Variants in SAGE1 observed in about 807,000 individuals in gnomAD.
The protein encoded by SAGE1 is sarcoma antigen 1, also known as cancer/testis antigen 14.
SAGE1 carries 55 observed loss-of-function variants against 55.4 expected under a neutral mutation model. That is an observed-to-expected ratio of 0.99 (90% CI 0.80 to 1.24). SAGE1 has a LOEUF of 1.24. Ranked by LOEUF, SAGE1 falls within the 50% of genes most tolerant of loss-of-function variation. The pLI is 0.00. For synonymous variants in SAGE1, 240 were observed against 244.3 expected, an observed-to-expected ratio of 0.98 and a Z score of 0.17; for missense variants, 710 against 704.4, an observed-to-expected ratio of 1.01 and a Z score of -0.09.
rs1556602890 is a variant in SAGE1, at chrX:135,907,793, G to T, written c.1111G>T (p.Ala371Ser). Residue 371 changes from alanine (A) to serine (S), a missense_variant, in exon 10 of 20, where the codon GCT (alanine) becomes TCT (serine). By Grantham distance (99) the Ala-to-Ser change is moderately conservative. Transcript: ENST00000370709. ...CTTGTCAACTGTTCTACCAGGGCTT[G>T]CTTATTTGGCAACAGCTGATATGCC... ...NALSTVLPGL[A>S]YLATADMPAM... is the part of the protein sequence containing the mutation. The T allele has an allele frequency of 8.3e-7, 1 of 1,210,215 alleles. No homozygotes were observed. The highest frequency in any genetic ancestry group is 2.3e-4 in the Middle Eastern group (1 of 4,347).
intron 2 of SAGE1, among the ~76,000 whole-genome samples, chrX:135,900,979 T>C (rs1489146406): frequency 9.2e-6 from 1 of 109,055 alleles, no homozygotes; most frequent in African/African-American, 3.3e-5. Context: ...ACCCCATCTC[T>C]ACTAAAAATA....
chrX:135,897,481 G>A (rs1206267335), intron 2 of SAGE1, among the ~76,000 whole-genome samples: 6 of 111,822 alleles, frequency 5.4e-5, no homozygotes, highest in Admixed American at 3.8e-4. Context: ...GTTAATACAT[G>A]TAAAGCATTG....
rs782484790 is a variant in SAGE1, at chrX:135,910,546, A to G, written c.1996A>G (p.Arg666Gly). Reference sequence around the variant, plus strand: ...AGCTGGAATTTCATCCACGATTACCAGGGATCTGTGTATGTCTGCTTATTA... The same window carrying G: ...AGCTGGAATTTCATCCACGATTACCGGGGATCTGTGTATGTCTGCTTATTA... ...AAAGISSTIT[R>G]DLYVTATHSV... The change falls in exon 16 of 20, where the codon AGG (arginine) becomes GGG (glycine). Residue 666 changes from arginine (R) to glycine (G), a missense_variant. By Grantham distance (125) the Arg-to-Gly change is moderately radical. Transcript: ENST00000370709. The G allele has an allele frequency of 8.3e-7, 1 of 1,210,706 alleles. No homozygotes were observed. The highest frequency in any genetic ancestry group is 1.8e-5 in the South Asian group (1 of 56,932).
chrX:135,908,932 A>G lies in SAGE1; in HGVS notation c.1510A>G (p.Ile504Val), dbSNP rs1556604263. The change falls in exon 13 of 20, where the codon ATA becomes GTA. Residue 504 changes from isoleucine (I) to valine (V), a missense_variant. Physicochemically the swap from Ile to Val is conservative, Grantham distance 29. Coordinates refer to ENST00000370709, the MANE Select transcript of SAGE1 (RefSeq NM_001381902.1). ...TGGCAAACCCCAAACTGATAAGGTC[A>G]TATCAAATGATGCACCACAGCTTGG... Reference protein sequence around the residue: ...ESGKPQTDKVISNDAPQLGHM... With the variant: ...ESGKPQTDKVVSNDAPQLGHM... 2 of 1,207,809 alleles carry G rather than the reference A, an allele frequency of 1.7e-6. No individual in the cohort carries two copies. Among genetic ancestry groups the G allele is most frequent in the East Asian group, 5.9e-5 (2 of 33,790 alleles).
In SAGE1 at chrX:135,909,774, A is replaced by G. The variant is rs1556605068; in HGVS notation, c.1718A>G (p.Asp573Gly). 1.7e-6 allele frequency: 2 copies of G among 1,199,510 alleles called. No homozygotes were observed. Among genetic ancestry groups the G allele is most frequent in the Non-Finnish European group, 2.2e-6 (2 of 889,103 alleles). The change falls in exon 14 of 20, where the codon GAT becomes GGT. Residue 573 changes from aspartate to glycine, a missense_variant. Asp to Gly is a moderately conservative substitution (Grantham distance 94). Transcript: ENST00000370709. The stretch of plus-strand genomic sequence containing the variant: ...GGTATTCCGGCCATGAGTACCAGGG[A>G]TCAGTGTATGTTTGCTTATTCAGTT... ...VAGIPAMSTR[D>G]QYATVTHNVH... is the part of the protein sequence containing the mutation.
rs782313164 is a variant in SAGE1 at position 135,908,599 on chromosome X, A to G, written c.1423A>G (p.Met475Val). Residue 475 changes from methionine to valine, a missense_variant, in exon 12 of 20, where the codon ATG becomes GTG. Transcript: ENST00000370709. ...TATGGCAGGAGCTAGTATTCCAGCA[A>G]TGAGTTCCAGGGATCTGTGTATGTG... ...INMAGASIPAMSSRDLYATIT... is the reference protein window; with the variant it reads ...INMAGASIPAVSSRDLYATIT... The G allele has an allele frequency of 5.0e-6, 6 of 1,200,237 alleles. No homozygotes were observed. Among genetic ancestry groups the G allele is most frequent in the South Asian group, 3.7e-5 (2 of 54,522 alleles).
At chrX:135,910,256 T>C in intron 15 of SAGE1, 86 bp downstream of exon 15, 2 of 1,073,570 alleles carry the variant, frequency 1.9e-6, no homozygotes, top group Middle Eastern at 2.6e-4. Context: ...TTTTGTTGTA[T>C]TACCTTTTCA....
At chrX:135,903,988 C>A (rs12010242) in intron 3 of SAGE1, among the ~76,000 whole-genome samples, 24,008 of 111,198 alleles carry the variant, frequency 0.22, 2,025 homozygotes, top group Non-Finnish European at 0.26. Flanking sequence ...ATAAATAATT[C>A]TTTAGAACCT....
intron 3 of SAGE1, among the ~76,000 whole-genome samples, chrX:135,902,841 C>T (rs2088701873): frequency 8.9e-6 from 1 of 112,084 alleles, no homozygotes; most frequent in Non-Finnish European, 1.9e-5. Context: ...CTCTCTATGC[C>T]TCCAGTGCAT....
chrX:135,909,894 T>C, intron 14 of SAGE1, 115 bp downstream of exon 14: 1 of 976,451 alleles, frequency 1.0e-6, no homozygotes, highest in Non-Finnish European at 1.4e-6. Context: ...AATTTGAGTG[T>C]TCTCAGATCG....
At chrX:135,898,815 C>A (rs1423019857) in intron 2 of SAGE1, among the ~76,000 whole-genome samples, 3 of 111,664 alleles carry the variant, frequency 2.7e-5, no homozygotes, top group East Asian at 5.6e-4. Context: ...CTGTTCATGT[C>A]CTTTGCCCAC....
chrX:135,907,284 A>G, intron 8 of SAGE1, 29 bp from the exon 9 acceptor site: 1 of 1,192,916 alleles, frequency 8.4e-7, no homozygotes, highest in African/African-American at 1.7e-5. Flanking sequence ...GCACTTACTC[A>G]CAGCTCAACC....
intron 2 of SAGE1, among the ~76,000 whole-genome samples, chrX:135,896,765 G>A (rs2088593301): frequency 9.1e-6 from 1 of 109,804 alleles, no homozygotes; most frequent in Non-Finnish European, 1.9e-5. Flanking sequence ...TCTCCATTTT[G>A]GACAGGCTGC....
rs373860035 is a variant in SAGE1 at position 135,896,158 on chromosome X, C to T, written c.1-85C>T. Reference sequence around the variant, plus strand: ...AGGATCATATATTTCAGCTGTATAGCGCCAATTTATGTGCCAGTTACGTTC... The same window carrying T: ...AGGATCATATATTTCAGCTGTATAGTGCCAATTTATGTGCCAGTTACGTTC... On this transcript the variant is annotated intron_variant, in intron 1 of 19. Coordinates refer to ENST00000370709, the MANE Select transcript of SAGE1 (RefSeq NM_001381902.1). 3.8e-3 allele frequency: 2,484 copies of T among 652,259 alleles called. 35 individuals are homozygous for T. In the South Asian group the frequency reaches 0.056, roughly 15 times the overall value. The allele number at this position is 652,259 out of a possible 1,213,427, so 53.8% of individuals were successfully genotyped here.
intron 4 of SAGE1, among the ~76,000 whole-genome samples, chrX:135,904,946 A>G (rs1436383164): frequency 1.8e-5 from 2 of 111,629 alleles, no homozygotes; most frequent in Non-Finnish European, 3.8e-5. Context: ...CAAATGTTCT[A>G]TCAGGGCTTA....
intron 16 of SAGE1, 130 bp from the exon 17 acceptor site, chrX:135,911,062 C>T: frequency 1.4e-6 from 1 of 707,329 alleles, no homozygotes; most frequent in East Asian, 3.4e-5. Context: ...TTCAGGGTCT[C>T]TGATTGCCAC....
intron 1 of SAGE1, among the ~76,000 whole-genome samples, chrX:135,894,095 T>C (rs1349593418): frequency 8.9e-6 from 1 of 112,075 alleles, no homozygotes. Flanking sequence ...AGTTTCACTC[T>C]TGTTGTTCGC....
At chrX:135,894,359 A>G (rs1556592058) in intron 1 of SAGE1, among the ~76,000 whole-genome samples, 2 of 113,210 alleles carry the variant, frequency 1.8e-5, no homozygotes, top group East Asian at 5.5e-4. Flanking sequence ...GGCGTGAGCC[A>G]CTGCACCCAG....
At chrX:135,905,530 C>A in intron 5 of SAGE1, 138 bp downstream of exon 5, 1 of 544,585 alleles carries the variant, frequency 1.8e-6, no homozygotes, top group Non-Finnish European at 2.9e-6. Context: ...CCTGGCAAAT[C>A]CTCCCCTGAT....
Sources: allele counts gnomAD v4.1 joint callset (sites outside exome capture counted in the v4.1 genomes callset), GRCh38; gene constraint gnomAD v4.1.1; transcripts MANE v1.5; gene names NCBI Gene and HGNC (gene_info 2026-07-23, HGNC 2026-07-21).